The following KCNQ5 variants were observed in gnomAD, a reference collection of about 807,000 sequenced individuals.
KCNQ5 encodes potassium voltage-gated channel subfamily Q member 5.
Under a neutral mutation model 98.2 loss-of-function variants are expected in KCNQ5, and 30 were observed. The ratio of observed to expected loss-of-function variants is 0.31; its 90% CI spans 0.23 to 0.41. KCNQ5 has a LOEUF of 0.41. Ranked by LOEUF, KCNQ5 falls within the 10% of genes least tolerant of loss-of-function variation. The pLI, the probability that KCNQ5 is intolerant of heterozygous loss-of-function variation, is 1.00. For synonymous variants in KCNQ5, 458 were observed against 449.4 expected, an observed-to-expected ratio of 1.02 and a Z score of -0.24; for missense variants, 835 against 1,182.5, an observed-to-expected ratio of 0.71 and a Z score of 4.31.
chr6:72,723,564 A>G (rs1448470601), intron 1 of KCNQ5, among the ~76,000 whole-genome samples: 1 of 152,210 alleles, frequency 6.6e-6, no homozygotes, highest in Admixed American at 6.5e-5. Context: ...AGCAATGCTC[A>G]TGCTATGAAT....
intron 11 of KCNQ5, among the ~76,000 whole-genome samples, chr6:73,182,585 A>G (rs1682539989): frequency 6.6e-6 from 1 of 152,316 alleles, no homozygotes; most frequent in East Asian, 1.9e-4. Context: ...TAGAAAAAAA[A>G]TTGAAGAATT....
At chr6:73,019,337 A>C (rs1242611405) in intron 2 of KCNQ5, among the ~76,000 whole-genome samples, 7 of 152,142 alleles carry the variant, frequency 4.6e-5, no homozygotes, top group African/African-American at 7.2e-5. Context: ...TTTTAGTGTG[A>C]AATCTTGCCC....
chr6:72,913,226 G>T (rs1287692063), intron 1 of KCNQ5, among the ~76,000 whole-genome samples: 4 of 152,108 alleles, frequency 2.6e-5, no homozygotes, highest in Admixed American at 2.0e-4. Context: ...ATTTCAGTAA[G>T]ATTTTAATCA....
At chr6:73,135,571 C>T (rs1355595306) in intron 10 of KCNQ5, 2 of 152,180 alleles carry the variant, frequency 1.3e-5, no homozygotes, top group East Asian at 1.9e-4. Flanking sequence ...ACTCACCTAA[C>T]ACCTTTCCTT....
chr6:72,645,626 G>T (rs901948826), intron 1 of KCNQ5, among the ~76,000 whole-genome samples: 1 of 152,082 alleles, frequency 6.6e-6, no homozygotes, highest in African/African-American at 2.4e-5. Flanking sequence ...AGGAGAGGAA[G>T]GGAAGAGGTA....
At chr6:72,892,983 G>A (rs536474002) in intron 1 of KCNQ5, among the ~76,000 whole-genome samples, 3 of 152,258 alleles carry the variant, frequency 2.0e-5, no homozygotes, top group African/African-American at 4.8e-5. Flanking sequence ...TGGACATCCT[G>A]GGGGAAGAGG....
At chr6:72,971,132 A>T (rs940661808) in intron 1 of KCNQ5, among the ~76,000 whole-genome samples, 9 of 152,152 alleles carry the variant, frequency 5.9e-5, no homozygotes, top group African/African-American at 1.9e-4. Context: ...GAATCTACAA[A>T]GAACTCAAAC....
At chr6:73,020,552 T>C (rs1422770840) in intron 2 of KCNQ5, among the ~76,000 whole-genome samples, 2 of 152,104 alleles carry the variant, frequency 1.3e-5, no homozygotes, top group Non-Finnish European at 2.9e-5. Context: ...CTTCATTACA[T>C]AGACATGATT....
intron 1 of KCNQ5, among the ~76,000 whole-genome samples, chr6:72,830,252 C>A (rs990590703): frequency 1.3e-5 from 2 of 152,110 alleles, no homozygotes; most frequent in Admixed American, 1.3e-4. Flanking sequence ...TCATATGGAA[C>A]CAAAAAAGAG....
chr6:72,673,097 T>C (rs1420414783), intron 1 of KCNQ5, among the ~76,000 whole-genome samples: 1 of 152,188 alleles, frequency 6.6e-6, no homozygotes, highest in East Asian at 1.9e-4. Flanking sequence ...GGGGAGGCTG[T>C]GGAATCCCAT....
At chr6:72,781,566 A>G (rs1447035719) in intron 1 of KCNQ5, among the ~76,000 whole-genome samples, 1 of 152,086 alleles carries the variant, frequency 6.6e-6, no homozygotes, top group Non-Finnish European at 1.5e-5. Flanking sequence ...TTTCACTGTC[A>G]TTTGCCTGAT....
intron 1 of KCNQ5, among the ~76,000 whole-genome samples, chr6:72,625,311 C>T (rs1425853059): frequency 1.3e-5 from 2 of 152,204 alleles, no homozygotes; most frequent in Non-Finnish European, 2.9e-5. Context: ...TGACCTACTT[C>T]AAATATTTTC....
chr6:72,822,542 C>G (rs74423070), intron 1 of KCNQ5, among the ~76,000 whole-genome samples: 2,323 of 152,228 alleles, frequency 0.015, 38 homozygotes, highest in South Asian at 0.071. Context: ...AAGATGCTTC[C>G]ATAAAGCATG....
At chr6:72,800,920 A>C (rs1774613476) in intron 1 of KCNQ5, among the ~76,000 whole-genome samples, 1 of 151,854 alleles carries the variant, frequency 6.6e-6, no homozygotes. Flanking sequence ...TTCAGTTTCC[A>C]TGTAGTTGAG....
At chr6:73,043,321 A>G (rs1195336167) in intron 3 of KCNQ5, 1 of 177,948 alleles carries the variant, frequency 5.6e-6, no homozygotes, top group Non-Finnish European at 1.3e-5. Flanking sequence ...TCTCAGTTAA[A>G]TCTATCTTAA....
At chr6:73,133,343 A>C (rs1776314899) in intron 9 of KCNQ5, 78 bp from the exon 10 acceptor site, 8 of 1,197,430 alleles carry the variant, frequency 6.7e-6, no homozygotes, top group Non-Finnish European at 9.8e-6. Flanking sequence ...TGACCACATG[A>C]GCTTCATCAA....
rs1386640911 is a variant in KCNQ5, at chr6:72,622,406, G to A, written c.217G>A (p.Gly73Ser). 1 of 1,502,596 alleles carries A rather than the reference G, an allele frequency of 6.7e-7. No homozygotes were observed. Among genetic ancestry groups the A allele is most frequent in the Admixed American group, 2.3e-5 (1 of 43,854 alleles). 93.1% of individuals were successfully genotyped at this position (1,502,596 alleles called of 1,614,324 possible). A position where few individuals can be genotyped will look rare whatever the true frequency, so the allele number is the denominator to read the frequency against. Reference protein sequence around the residue: ...TRAATLGGGGGGLRESRRGKQ... With the variant: ...TRAATLGGGGSGLRESRRGKQ... ...CGCGGCCACGCTCGGTGGCGGCGGC[G>A]GTGGCCTGAGGGAGAGCCGCCGGGG... Residue 73 changes from glycine (G) to serine (S), a missense_variant, in exon 1 of 14, where the codon GGT becomes AGT. Gly to Ser is a moderately conservative substitution (Grantham distance 56). Coordinates refer to ENST00000370398, the MANE Select transcript of KCNQ5 (RefSeq NM_019842.4). The surrounding 1 kb of genome is among the most constrained non-coding windows in gnomAD (Gnocchi z 6.0).
At chr6:73,079,870 G>A (rs758655558) in intron 5 of KCNQ5, among the ~76,000 whole-genome samples, 12 of 152,162 alleles carry the variant, frequency 7.9e-5, no homozygotes, top group Non-Finnish European at 1.8e-4. Context: ...GCCAGCAAGG[G>A]GAAGACAGTT....
chr6:72,822,263 TATC>T (rs1243623885), intron 1 of KCNQ5, among the ~76,000 whole-genome samples: 2 of 152,216 alleles, frequency 1.3e-5, no homozygotes, highest in African/African-American at 4.8e-5. Context: ...GAGGAAATGT[TATC>T]ATTTCTTGGT....
Sources: gnomAD v4.1 joint callset for allele counts (sites outside exome capture counted in the v4.1 genomes callset) on GRCh38, gnomAD v4.1.1 for gene constraint, Gnocchi (gnomAD v3.1) non-coding constraint, MANE v1.5 for transcripts, NCBI Gene and HGNC (gene_info 2026-07-23, HGNC 2026-07-21) for gene names.